FBXO7: variants seen among roughly 807,000 people sequenced by gnomAD.
The protein encoded by FBXO7 is F-box only protein 7.
FBXO7 carries 31 observed loss-of-function variants against 50.2 expected under a neutral mutation model. That is an observed-to-expected ratio of 0.62 (90% confidence interval 0.46 to 0.83). The LOEUF is 0.83. Ranked by LOEUF, FBXO7 falls within the 40% of genes least tolerant of loss-of-function variation. The probability of loss-of-function intolerance (pLI) is 0.00; values close to 1 mark genes in which losing one functional copy is unlikely to be tolerated. For synonymous variants in FBXO7, 256 were observed against 253.1 expected, an observed-to-expected ratio of 1.01 and a Z score of -0.11; for missense variants, 667 against 646.6, an observed-to-expected ratio of 1.03 and a Z score of -0.34.
intron 1 of FBXO7, among the ~76,000 whole-genome samples, chr22:32,477,630 G>C (rs1021173551): frequency 2.0e-5 from 3 of 152,198 alleles, no homozygotes; most frequent in African/African-American, 7.2e-5. Flanking sequence ...TCATCAGTAA[G>C]AGAGATGAAT....
rs2145993311 is a variant in FBXO7, at chr22:32,484,167, T to C, written c.645+43T>C. On this transcript the variant is annotated intron_variant, in intron 3 of 8. Coordinates refer to ENST00000266087, the MANE Select transcript of FBXO7 (RefSeq NM_012179.4). The stretch of plus-strand genomic sequence containing the variant: ...AACACAGACATCTTATGATTGCTCA[T>C]ACATGTGGATGGTTCCTGCTCTCAA... 5 of 1,525,904 alleles carry C rather than the reference T, an allele frequency of 3.3e-6. No individual in the cohort carries two copies. In the East Asian group the frequency reaches 1.1e-4, roughly 34 times the overall value. 94.5% of individuals were successfully genotyped at this position (1,525,904 alleles called of 1,614,324 possible).
Position 32,475,117 on chromosome 22 carries a change from G to C in FBXO7, c.115G>C (p.Gly39Arg), listed in dbSNP as rs1171686961. 4 of 1,544,532 alleles carry C rather than the reference G, an allele frequency of 2.6e-6. No homozygotes were observed. The highest frequency in any genetic ancestry group is 3.5e-6 in the Non-Finnish European group (4 of 1,145,388). ...HLRQSLLCTW[G>R]YSSNTRFTIT... ...GAGGCAGTCCCTGCTGTGCACCTGG[G>C]GGTACAGGTACGCTGGGGCCGGGGC... The change falls in exon 1 of 9, where the codon GGG (glycine) becomes CGG (arginine). Residue 39 changes from glycine (G) to arginine (R), a missense_variant. Transcript: ENST00000266087.
intron 5 of FBXO7, chr22:32,488,145 C>T: frequency 3.9e-6 from 1 of 256,244 alleles, no homozygotes; most frequent in African/African-American, 2.3e-5. Flanking sequence ...GGAGATCTCC[C>T]TATTGAGATC....
At position 32,479,006 on chromosome 22, in the gene FBXO7, T is replaced by C; in HGVS notation, c.148T>C (p.Leu50=). The C allele has an allele frequency of 1.2e-6, 2 of 1,614,244 alleles. No homozygotes were observed. Among genetic ancestry groups the C allele is most frequent in the East Asian group, 2.2e-5 (1 of 44,882 alleles). Residue 50 remains leucine (L), a synonymous_variant, in exon 2 of 9, where the codon TTG becomes CTG. Coordinates refer to ENST00000266087, the MANE Select transcript of FBXO7 (RefSeq NM_012179.4). ...TTCTAATACCCGATTTACAATTACA[T>C]TGAACTACAAGGATCCCCTCACTGG... ...YSSNTRFTIT[L]NYKDPLTGDE...
chr22:32,475,318 A>T (rs1186364312), intron 1 of FBXO7, 194 bp downstream of exon 1: 2 of 1,607,972 alleles, frequency 1.2e-6, no homozygotes, highest in East Asian at 2.3e-5. Flanking sequence ...GGTGCAGGCG[A>T]CGGGAAGCGC....
intron 2 of FBXO7, among the ~76,000 whole-genome samples, chr22:32,480,597 A>G: frequency 6.6e-6 from 1 of 151,746 alleles, no homozygotes; most frequent in Non-Finnish European, 1.5e-5. Context: ...CCATAGCCCA[A>G]TAGTTTTCTT....
At chr22:32,488,809 G>C (rs954479914) in intron 5 of FBXO7, 1 of 152,090 alleles carries the variant, frequency 6.6e-6, no homozygotes. Flanking sequence ...TTGGGAATTA[G>C]CTGAATTGAA....
intron 5 of FBXO7, chr22:32,490,801 A>G (rs983927020): frequency 8.9e-5 from 35 of 392,258 alleles, no homozygotes; most frequent in African/African-American, 6.8e-4. Flanking sequence ...AAATCTTCGT[A>G]TGTATGAATC....
chr22:32,483,504 A>G (rs556370118), intron 2 of FBXO7, among the ~76,000 whole-genome samples: 29 of 152,366 alleles, frequency 1.9e-4, no homozygotes, highest in Non-Finnish European at 3.1e-4. Flanking sequence ...GGATACTTGC[A>G]ACGGAAGCTC....
chr22:32,486,542 C>T (rs1373498000), intron 4 of FBXO7, among the ~76,000 whole-genome samples: 1 of 152,028 alleles, frequency 6.6e-6, no homozygotes, highest in Non-Finnish European at 1.5e-5. Flanking sequence ...CACTGTGTTG[C>T]CCAGGCTGGT....
At chr22:32,485,377 A>G (rs530502296) in intron 4 of FBXO7, among the ~76,000 whole-genome samples, 168 bp downstream of exon 4, 2 of 152,334 alleles carry the variant, frequency 1.3e-5, no homozygotes, top group African/African-American at 4.8e-5. Flanking sequence ...AGATCATGGA[A>G]TATGAGGTTG....
In FBXO7 at chr22:32,484,080, G is replaced by A. The variant is rs61730783; in HGVS notation, c.601G>A (p.Val201Met). ...DCSDANDALI[V>M]LIHLLMLESG... is the part of the protein sequence containing the mutation. ...TTCTGATGCCAATGATGCCTTGATA[G>A]TGTTGATACATCTTCTCATGTTGGA... Residue 201 changes from valine (V) to methionine (M), a missense_variant, in exon 3 of 9, where the codon GTG becomes ATG. Val to Met is a conservative substitution (Grantham distance 21). Coordinates refer to ENST00000266087, the MANE Select transcript of FBXO7 (RefSeq NM_012179.4). 408 of 1,614,166 alleles carry A rather than the reference G, an allele frequency of 2.5e-4. 1 individual carries two copies. In the African/African-American group the frequency reaches 4.9e-3, roughly 20 times the overall value.
At chr22:32,495,468 C>G in intron 7 of FBXO7, 25 bp from the exon 8 acceptor site, 1 of 1,530,994 alleles carries the variant, frequency 6.5e-7, no homozygotes, top group Non-Finnish European at 9.0e-7. Context: ...TTTTTAAATC[C>G]TTATTTTTCC....
chr22:32,498,002 T>C, intron 8 of FBXO7, 142 bp from the exon 9 acceptor site: 1 of 904,898 alleles, frequency 1.1e-6, no homozygotes, highest in Admixed American at 2.4e-5. Flanking sequence ...TGTGACTTGG[T>C]TTATTGCATT....
At chr22:32,495,612 T>G in intron 8 of FBXO7, 82 bp downstream of exon 8, 1 of 675,660 alleles carries the variant, frequency 1.5e-6, no homozygotes, top group Non-Finnish European at 2.4e-6. Context: ...ATATTTTCAC[T>G]TTTATATGAT....
Position 32,479,198 on chromosome 22 carries a change from A to G in FBXO7, c.340A>G (p.Ser114Gly). The change falls in exon 2 of 9, where the codon AGC becomes GGC. Residue 114 changes from serine to glycine, a missense_variant. Transcript: ENST00000266087. ...PSLATSSNQT[S>G]MQDEQPSDSF... ...TTTGGCCACCAGCTCCAATCAGACT[A>G]GCATGCAGGATGAACAACCAAGTGA... is the stretch of plus-strand genomic sequence containing the variant. The G allele has an allele frequency of 6.2e-7, 1 of 1,614,038 alleles. No homozygotes were observed. The highest frequency in any genetic ancestry group is 1.3e-5 in the African/African-American group (1 of 75,008).
At chr22:32,475,389 C>A in intron 1 of FBXO7, 1 of 1,611,438 alleles carries the variant, frequency 6.2e-7, no homozygotes, top group Non-Finnish European at 8.5e-7. Context: ...GGGCTCTGGT[C>A]CCCTCCTCGG....
intron 1 of FBXO7, among the ~76,000 whole-genome samples, chr22:32,478,624 G>A (rs2145988002): frequency 6.6e-6 from 1 of 152,334 alleles, no homozygotes; most frequent in South Asian, 2.1e-4. Context: ...GGAGGCTGAG[G>A]TGAGAGGATT....
chr22:32,477,077 G>A (rs2057433844), intron 1 of FBXO7, among the ~76,000 whole-genome samples: 1 of 152,112 alleles, frequency 6.6e-6, no homozygotes, highest in East Asian at 1.9e-4. Flanking sequence ...CCAAAGTTGG[G>A]GTGGTGTTTT....
Sources: allele counts gnomAD v4.1 joint callset (sites outside exome capture counted in the v4.1 genomes callset), GRCh38; gene constraint gnomAD v4.1.1; transcripts MANE v1.5; gene names NCBI Gene and HGNC (gene_info 2026-07-23, HGNC 2026-07-21).